The following TMEM132C variants were observed in gnomAD, a reference collection of about 807,000 sequenced individuals.
TMEM132C encodes protein phosphatase 1, regulatory subunit 152.
In TMEM132C, 29 loss-of-function variants were observed where a neutral mutation model predicts 61.4. That is an observed-to-expected ratio of 0.47 (90% CI 0.35 to 0.64). The LOEUF is 0.64. Ranked by LOEUF, TMEM132C falls within the 30% of genes least tolerant of loss-of-function variation. The pLI, the probability that TMEM132C is intolerant of heterozygous loss-of-function variation, is 0.00. For missense variants in TMEM132C, 1,408 were observed against 1,476.9 expected (o/e 0.95, Z 0.76); for synonymous variants, 656 against 633.1 (o/e 1.04, Z -0.54).
chr12:128,700,816 A>G (rs1483278387), intron 8 of TMEM132C, among the ~76,000 whole-genome samples: 1 of 152,202 alleles, frequency 6.6e-6, no homozygotes, highest in Non-Finnish European at 1.5e-5. Context: ...GCTGATATGG[A>G]CAGAGGAGAC....
intron 1 of TMEM132C, among the ~76,000 whole-genome samples, chr12:128,324,063 A>G (rs1346014282): frequency 6.6e-6 from 1 of 152,218 alleles, no homozygotes; most frequent in African/African-American, 2.4e-5. Flanking sequence ...GCTCTGTGCT[A>G]CATGGAAACT....
At chr12:128,541,381 G>A (rs1267471215) in intron 2 of TMEM132C, among the ~76,000 whole-genome samples, 2 of 152,104 alleles carry the variant, frequency 1.3e-5, no homozygotes, top group South Asian at 2.1e-4. Flanking sequence ...TAAATATTTG[G>A]TCAGTGGTGA....
At chr12:128,586,039 G>A (rs951235149) in intron 3 of TMEM132C, among the ~76,000 whole-genome samples, 2 of 152,042 alleles carry the variant, frequency 1.3e-5, no homozygotes, top group African/African-American at 4.8e-5. Flanking sequence ...GGTGCAGATC[G>A]CAAATTTTAT....
At chr12:128,483,881 AC>A (rs1377211140) in intron 2 of TMEM132C, among the ~76,000 whole-genome samples, 1 of 152,226 alleles carries the variant, frequency 6.6e-6, no homozygotes, top group African/African-American at 2.4e-5. Flanking sequence ...GACATTAAAA[AC>A]AAAGATAATA....
intron 3 of TMEM132C, among the ~76,000 whole-genome samples, chr12:128,592,168 T>C (rs556506967): frequency 1.2e-4 from 19 of 152,060 alleles, no homozygotes; most frequent in Admixed American, 1.2e-3. Context: ...CCCCTTTAAC[T>C]GGGCCAGGCA....
At chr12:128,488,770 G>A (rs1450278568) in intron 2 of TMEM132C, among the ~76,000 whole-genome samples, 4 of 151,722 alleles carry the variant, frequency 2.6e-5, no homozygotes, top group Admixed American at 6.6e-5. Context: ...TTCTTCAAAC[G>A]TCAAAAACTT....
At chr12:128,671,399 C>G (rs1954530550) in intron 5 of TMEM132C, among the ~76,000 whole-genome samples, 1 of 152,028 alleles carries the variant, frequency 6.6e-6, no homozygotes, top group Non-Finnish European at 1.5e-5. Flanking sequence ...CTTTACCAAG[C>G]CAGAAATGAA....
intron 1 of TMEM132C, among the ~76,000 whole-genome samples, chr12:128,386,228 G>A (rs925625778): frequency 2.6e-5 from 4 of 152,158 alleles, no homozygotes; most frequent in African/African-American, 9.7e-5. Context: ...CTCTCAGAAT[G>A]TTCATTTATG....
At chr12:128,434,363 C>T (rs911605038) in intron 2 of TMEM132C, among the ~76,000 whole-genome samples, 8 of 152,098 alleles carry the variant, frequency 5.3e-5, no homozygotes, top group Admixed American at 6.5e-5. Context: ...TGCATTGGTG[C>T]GACCTCAGCT....
intron 4 of TMEM132C, among the ~76,000 whole-genome samples, chr12:128,636,925 C>G (rs77292293): frequency 0.033 from 4,990 of 152,156 alleles, 256 homozygotes; most frequent in African/African-American, 0.11. Context: ...TCCATATTGT[C>G]ACAAATGGTA....
chr12:128,530,242 G>A lies in TMEM132C; in HGVS notation c.975-13715G>A, dbSNP rs1410193609. On this transcript the variant is annotated intron_variant, in intron 2 of 8. Coordinates refer to ENST00000435159, the MANE Select transcript of TMEM132C (RefSeq NM_001136103.3). ...GATGCCGGGGACAGTTTTCTATGTAGATCAGCCCTCATGGCACAGCAGCCA... is the reference window on the plus strand; with the variant it reads ...GATGCCGGGGACAGTTTTCTATGTAAATCAGCCCTCATGGCACAGCAGCCA... 2.0e-5 allele frequency among the ~76,000 whole-genome samples: 3 copies of A among 152,148 alleles called. No individual in the cohort carries two copies. In the East Asian group the frequency reaches 5.8e-4, roughly 29 times the overall value.
intron 2 of TMEM132C, among the ~76,000 whole-genome samples, chr12:128,522,722 G>A (rs1872949530): frequency 6.6e-6 from 1 of 152,188 alleles, no homozygotes; most frequent in Non-Finnish European, 1.5e-5. Flanking sequence ...TTACTGAGAT[G>A]TGGCCACAAG....
intron 2 of TMEM132C, among the ~76,000 whole-genome samples, chr12:128,481,805 G>A (rs1310445169): frequency 1.3e-5 from 2 of 152,140 alleles, no homozygotes; most frequent in Non-Finnish European, 1.5e-5. Context: ...TCCCAGCTGC[G>A]GCACTGGAGG....
chr12:128,621,598 T>G (rs1185667814), intron 4 of TMEM132C, among the ~76,000 whole-genome samples: 1 of 152,218 alleles, frequency 6.6e-6, no homozygotes, highest in South Asian at 2.1e-4. Context: ...CCTGAGGAAC[T>G]ATGAGAGAAT....
intron 1 of TMEM132C, among the ~76,000 whole-genome samples, chr12:128,302,561 G>T (rs1871631244): frequency 6.6e-6 from 1 of 152,310 alleles, no homozygotes; most frequent in East Asian, 1.9e-4. Flanking sequence ...AGTTAAAAGA[G>T]ATCATGTAGC....
chr12:128,403,904 G>A (rs1173344185), intron 1 of TMEM132C, among the ~76,000 whole-genome samples: 1 of 152,156 alleles, frequency 6.6e-6, no homozygotes, highest in Non-Finnish European at 1.5e-5. Flanking sequence ...GGCTTTCTAT[G>A]TGGATCAAGT....
chr12:128,301,534 T>G (rs1372721096), intron 1 of TMEM132C, among the ~76,000 whole-genome samples: 2 of 152,334 alleles, frequency 1.3e-5, no homozygotes, highest in Non-Finnish European at 2.9e-5. Context: ...GCTTCTGCCC[T>G]GGGAACCATG....
At position 128,336,111 on chromosome 12, in the gene TMEM132C, A is replaced by T. The variant is rs180925597; in HGVS notation, c.85+68624A>T. On this transcript the variant is annotated intron_variant, in intron 1 of 8. Transcript: ENST00000435159. ...ATACAACAGGCTTTATTGTGAAAAT[A>T]TTTGTCTAATATTGGGCAGTAAATG... is the stretch of plus-strand genomic sequence containing the variant. 3.3e-5 allele frequency among the ~76,000 whole-genome samples: 5 copies of T among 152,270 alleles called. No homozygotes were observed. In the East Asian group the frequency reaches 9.6e-4, roughly 29 times the overall value.
chr12:128,695,506 G>C (rs1002445251), intron 6 of TMEM132C, among the ~76,000 whole-genome samples: 2 of 152,144 alleles, frequency 1.3e-5, no homozygotes, highest in African/African-American at 4.8e-5. Context: ...CTGGACAACA[G>C]AGCAAGACCC....
Sources: gnomAD v4.1 joint callset for allele counts (sites outside exome capture counted in the v4.1 genomes callset) on GRCh38, gnomAD v4.1.1 for gene constraint, MANE v1.5 for transcripts, NCBI Gene and HGNC (gene_info 2026-07-23, HGNC 2026-07-21) for gene names.